SLC22A4: variants seen among roughly 807,000 people sequenced by gnomAD.
SLC22A4 encodes ET transporter.
In SLC22A4, 39 loss-of-function variants were observed where a neutral mutation model predicts 56.6. That is an observed-to-expected ratio of 0.69 (90% CI 0.53 to 0.90). The LOEUF (loss-of-function observed/expected upper bound fraction) is 0.90, where lower values mean the gene tolerates loss of function less well. Among genes scored for constraint, SLC22A4 ranks in the 40% least tolerant of loss-of-function variants. SLC22A4 has a pLI of 0.00. For missense variants in SLC22A4, 594 were observed against 696.5 expected (o/e 0.85, Z 1.66); for synonymous variants, 241 against 281.4 (o/e 0.86, Z 1.44).
intron 3 of SLC22A4, among the ~76,000 whole-genome samples, chr5:132,314,586 A>G (rs1430400715): frequency 6.6e-6 from 1 of 152,220 alleles, no homozygotes; most frequent in Non-Finnish European, 1.5e-5. Flanking sequence ...GTGGCTCAGT[A>G]CCATCCCAAT....
At chr5:132,295,646 G>C (rs986251603) in intron 1 of SLC22A4, 8 of 246,498 alleles carry the variant, frequency 3.2e-5, no homozygotes, top group Non-Finnish European at 6.5e-5. Flanking sequence ...AGGGGCTGTA[G>C]CCCCTCAGCA....
intron 7 of SLC22A4, 73 bp downstream of exon 7, chr5:132,335,005 G>A: frequency 9.9e-7 from 1 of 1,005,960 alleles, no homozygotes; most frequent in South Asian, 1.3e-5. Context: ...CTGAGTCACT[G>A]CTCCATGTTT....
chr5:132,301,837 C>T (rs759752430), intron 1 of SLC22A4, among the ~76,000 whole-genome samples: 2 of 152,184 alleles, frequency 1.3e-5, no homozygotes, highest in Admixed American at 6.5e-5. Flanking sequence ...TTCTATCAGG[C>T]CTGCAGGCTG....
intron 3 of SLC22A4, among the ~76,000 whole-genome samples, chr5:132,318,456 A>G (rs992990219): frequency 6.6e-6 from 1 of 152,076 alleles, no homozygotes; most frequent in African/African-American, 2.4e-5. Context: ...CTCCTAGCCC[A>G]TGGTTCCTGG....
At chr5:132,330,003 C>T (rs1750809511) in intron 5 of SLC22A4, among the ~76,000 whole-genome samples, 1 of 152,210 alleles carries the variant, frequency 6.6e-6, no homozygotes, top group Non-Finnish European at 1.5e-5. Flanking sequence ...TGTGCACCAC[C>T]CTGGAACCCT....
At chr5:132,314,423 C>T (rs1246331343) in intron 3 of SLC22A4, among the ~76,000 whole-genome samples, 1 of 152,176 alleles carries the variant, frequency 6.6e-6, no homozygotes. Flanking sequence ...GTTAGGTGAG[C>T]TCCAGGCGAG....
intron 3 of SLC22A4, among the ~76,000 whole-genome samples, chr5:132,318,030 C>T (rs1309544669): frequency 6.6e-6 from 1 of 152,224 alleles, no homozygotes; most frequent in African/African-American, 2.4e-5. Flanking sequence ...ATGCAGCTGT[C>T]ACTGTGGACA....
chr5:132,327,497 T>G, intron 5 of SLC22A4, 94 bp downstream of exon 5: 1 of 1,073,816 alleles, frequency 9.3e-7, no homozygotes, highest in Non-Finnish European at 1.4e-6. Context: ...GTGCCCACTA[T>G]GTACCAGGCA....
Position 132,328,915 on chromosome 5 carries a change from A to G in SLC22A4, c.951+1512A>G, listed in dbSNP as rs1311197576. On this transcript the variant is annotated intron_variant, in intron 5 of 9. Coordinates refer to ENST00000200652, the MANE Select transcript of SLC22A4 (RefSeq NM_003059.3). ...TATGTGTGTATGTGTATATATATAT[A>G]TATATATATATATATACACACACAC... is the stretch of plus-strand genomic sequence containing the variant. Among the ~76,000 whole-genome samples the G allele has an allele frequency of 5.7e-3, 314 of 55,102 alleles. 1 individual carries two copies. The highest frequency in any genetic ancestry group is 0.032 in the African/African-American group (295 of 9,356). 36.1% of individuals were successfully genotyped at this position (55,102 alleles called of 152,430 possible).
At chr5:132,304,518 G>A (rs1450121147) in intron 1 of SLC22A4, among the ~76,000 whole-genome samples, 1 of 152,146 alleles carries the variant, frequency 6.6e-6, no homozygotes, top group African/African-American at 2.4e-5. Flanking sequence ...TCAGGAGGCC[G>A]AGGCAGGAGA....
chr5:132,329,427 A>G (rs1186391971), intron 5 of SLC22A4, among the ~76,000 whole-genome samples: 2 of 151,620 alleles, frequency 1.3e-5, no homozygotes, highest in Non-Finnish European at 2.9e-5. Flanking sequence ...AATGATATTG[A>G]AGAGCCTACC....
At chr5:132,329,941 C>A (rs1750807126) in intron 5 of SLC22A4, among the ~76,000 whole-genome samples, 1 of 152,094 alleles carries the variant, frequency 6.6e-6, no homozygotes, top group Admixed American at 6.5e-5. Flanking sequence ...TTAAGAAGGG[C>A]CCCGTGGAAC....
chr5:132,340,937 G>A (rs1425582316), intron 9 of SLC22A4, among the ~76,000 whole-genome samples: 12 of 151,918 alleles, frequency 7.9e-5, no homozygotes, highest in Non-Finnish European at 1.3e-4. Flanking sequence ...CCAACATAGT[G>A]AAACCTCATC....
chr5:132,332,095 C>A, intron 6 of SLC22A4: 1 of 450,696 alleles, frequency 2.2e-6, no homozygotes, highest in Non-Finnish European at 4.1e-6. Context: ...GGGCAGATCA[C>A]CTGAGGTCAG....
At chr5:132,319,217 G>A (rs1750456348) in intron 3 of SLC22A4, among the ~76,000 whole-genome samples, 2 of 150,362 alleles carry the variant, frequency 1.3e-5, no homozygotes, top group Admixed American at 1.3e-4. Context: ...CAGGAAAATC[G>A]CTTGAACCCA....
intron 1 of SLC22A4, among the ~76,000 whole-genome samples, chr5:132,310,782 G>A (rs3805666): frequency 0.074 from 11,221 of 152,186 alleles, 547 homozygotes; most frequent in East Asian, 0.27. Flanking sequence ...CACTTCTTTC[G>A]GATCTCAGTA....
rs749095440 is a variant in SLC22A4 at position 132,294,825 on chromosome 5, G to C, written c.209G>C (p.Arg70Pro). The C allele has an allele frequency of 9.9e-6, 16 of 1,611,152 alleles. No homozygotes were observed. The highest frequency in any genetic ancestry group is 2.2e-5 in the East Asian group (1 of 44,820). ...TGGCGCAACAACAGTGTCCCGCTGC[G>C]GCTGCGGGACGGCCGCGAGGTGCCC... ...SAWRNNSVPL[R>P]LRDGREVPHS... Residue 70 changes from arginine to proline, a missense_variant, in exon 1 of 10, where the codon CGG (arginine) becomes CCG (proline). Transcript: ENST00000200652. The surrounding 1 kb of genome is among the most constrained non-coding windows in gnomAD (Gnocchi z 5.6).
At chr5:132,327,244 GA>G in intron 4 of SLC22A4, 32 bp from the exon 5 acceptor site, 1 of 1,484,692 alleles carries the variant, frequency 6.7e-7, no homozygotes, top group Non-Finnish European at 9.1e-7. Flanking sequence ...CTGCTGTTGT[GA>G]AAAATTATTA....
intron 1 of SLC22A4, 91 bp from the exon 2 acceptor site, chr5:132,312,070 C>T (rs1455840665): frequency 1.6e-5 from 13 of 831,618 alleles, no homozygotes; most frequent in South Asian, 1.2e-4. Context: ...AGAGTCTGCC[C>T]GCCAGCCGTG....
Sources: allele counts gnomAD v4.1 joint callset (sites outside exome capture counted in the v4.1 genomes callset), GRCh38; gene constraint gnomAD v4.1.1; non-coding constraint Gnocchi (gnomAD v3.1); transcripts MANE v1.5; gene names NCBI Gene and HGNC (gene_info 2026-07-23, HGNC 2026-07-21).